UFSP2: variants seen among roughly 807,000 people sequenced by gnomAD.
The protein encoded by UFSP2 is ufm1-specific protease 2.
Under a neutral mutation model 60.2 loss-of-function variants are expected in UFSP2, and 43 were observed. That is an observed-to-expected ratio of 0.71 (90% confidence interval 0.56 to 0.92). The LOEUF is 0.92. Ranked by LOEUF, UFSP2 falls within the 40% of genes least tolerant of loss-of-function variation. UFSP2 has a pLI of 0.00. For missense variants in UFSP2, 520 were observed against 575.0 expected (o/e 0.90, Z 0.98); for synonymous variants, 183 against 195.1 (o/e 0.94, Z 0.52).
rs746564992 is a variant in UFSP2 at position 185,399,643 on chromosome 4, C to G, written c.*749G>C. ...TGGATTTCCAGACTGTGCCAAGTTT[C>G]TTACAACAATTAAATGTATGCAGAC... On this transcript the variant is annotated 3_prime_UTR_variant, in exon 12 of 12. Transcript: ENST00000264689. The G allele has an allele frequency of 3.7e-6, 6 of 1,614,160 alleles. No homozygotes were observed. In the Middle Eastern group the frequency reaches 8.2e-4, roughly 222 times the overall value.
chr4:185,405,303 C>G (rs1043985042), intron 10 of UFSP2, among the ~76,000 whole-genome samples: 10 of 152,114 alleles, frequency 6.6e-5, no homozygotes, highest in African/African-American at 2.4e-4. Flanking sequence ...CAGCTTCTAC[C>G]TCCATTTCTT....
intron 2 of UFSP2, among the ~76,000 whole-genome samples, chr4:185,419,030 GA>G (rs1206540355): frequency 2.0e-5 from 3 of 152,194 alleles, no homozygotes; most frequent in African/African-American, 7.2e-5. Context: ...ACTAATTCTA[GA>G]ACATTTTCAT....
chr4:185,403,140 A>G (rs950680546), intron 11 of UFSP2, among the ~76,000 whole-genome samples: 1 of 152,244 alleles, frequency 6.6e-6, no homozygotes, highest in African/African-American at 2.4e-5. Context: ...GGTTAATTCT[A>G]AAATTTTAAA....
rs555434274 is a variant in UFSP2 at position 185,404,400 on chromosome 4, A to G, written c.1199-782T>C. Among the ~76,000 whole-genome samples, 151 of 147,640 alleles carry G rather than the reference A, an allele frequency of 1.0e-3. 1 individual carries two copies. Among genetic ancestry groups the G allele is most frequent in the African/African-American group, 3.7e-3 (149 of 39,954 alleles). On this transcript the variant is annotated intron_variant, in intron 10 of 11. Transcript: ENST00000264689. ...AACCTCTGCCTTCCAGGTTCAAGCA[A>G]TTCTCCTGCCTCAGCCTCCTGAGTA...
intron 11 of UFSP2, among the ~76,000 whole-genome samples, chr4:185,402,056 C>T (rs2095513881): frequency 6.6e-6 from 1 of 152,112 alleles, no homozygotes; most frequent in South Asian, 2.1e-4. Context: ...ACTGTTTCTA[C>T]AAGGCAGGGG....
chr4:185,415,065 A>C (rs1561116381), intron 6 of UFSP2, 90 bp downstream of exon 6: 1 of 1,116,870 alleles, frequency 9.0e-7, no homozygotes, highest in South Asian at 1.6e-5. Context: ...AAATCACAAA[A>C]TACCTTCCAT....
rs772560621 is a variant in UFSP2 at position 185,399,778 on chromosome 4, G to GTAAC, written c.*610_*613dup. 1 of 1,613,916 alleles carries GTAAC rather than the reference G, an allele frequency of 6.2e-7. No individual in the cohort carries two copies. The highest frequency in any genetic ancestry group is 1.7e-5 in the Admixed American group (1 of 60,022). ...CAGTGGGAAAAGGAAGTGCTGGTAAGTAACTCAGAGCTGCTGCTTTTTTCC... is the reference window on the plus strand; with the variant it reads ...CAGTGGGAAAAGGAAGTGCTGGTAAGTAACTAACTCAGAGCTGCTGCTTTTTTCC... On this transcript the variant is annotated 3_prime_UTR_variant, in exon 12 of 12. Transcript: ENST00000264689.
intron 11 of UFSP2, 92 bp from the exon 12 acceptor site, chr4:185,400,570 T>G (rs1038816978): frequency 2.3e-6 from 2 of 869,780 alleles, no homozygotes; most frequent in African/African-American, 1.7e-5. Flanking sequence ...AGCAGGACCT[T>G]GGAATAAGAC....
At chr4:185,419,577 T>C (rs2095545838) in intron 2 of UFSP2, among the ~76,000 whole-genome samples, 1 of 152,234 alleles carries the variant, frequency 6.6e-6, no homozygotes, top group East Asian at 1.9e-4. Flanking sequence ...CTTTGCAAAA[T>C]GAAAAGAATT....
Position 185,405,785 on chromosome 4 carries a change from A to G in UFSP2, c.1193T>C (p.Met398Thr). 3 of 1,614,066 alleles carry G rather than the reference A, an allele frequency of 1.9e-6. No individual in the cohort carries two copies. Among genetic ancestry groups the G allele is most frequent in the African/African-American group, 2.7e-5 (2 of 75,062 alleles). Residue 398 changes from methionine to threonine, a missense_variant, in exon 10 of 12, where the codon ATG becomes ACG. By Grantham distance (81) the Met-to-Thr change is moderately conservative. Coordinates refer to ENST00000264689, the MANE Select transcript of UFSP2 (RefSeq NM_018359.5). Reference sequence around the variant, plus strand: ...CAGTGTCTGAAACAGCTTACCGATCATAACTGGAGTTCCTTCACTTTGGAA... The same window carrying G: ...CAGTGTCTGAAACAGCTTACCGATCGTAACTGGAGTTCCTTCACTTTGGAA... The part of the protein sequence containing the change: ...NHFQSEGTPV[M>T]IGGGVLAHTI...
chr4:185,423,302 A>C (rs908650981), intron 1 of UFSP2, among the ~76,000 whole-genome samples: 1 of 152,276 alleles, frequency 6.6e-6, no homozygotes, highest in African/African-American at 2.4e-5. Context: ...ACAGTAAAGA[A>C]CTAGTTTAAG....
chr4:185,417,960 C>G (rs1011039783), intron 4 of UFSP2, among the ~76,000 whole-genome samples: 2 of 151,794 alleles, frequency 1.3e-5, no homozygotes, highest in Non-Finnish European at 2.9e-5. Flanking sequence ...AGGAGAATCA[C>G]TTGAACCCGG....
At chr4:185,425,799 C>A in intron 1 of UFSP2, 67 bp downstream of exon 1, 1 of 1,574,022 alleles carries the variant, frequency 6.4e-7, no homozygotes, top group South Asian at 1.2e-5. Context: ...CGCTGTGAAG[C>A]CCGCTCGTGG....
chr4:185,399,873 GTAT>G lies in UFSP2; in HGVS notation c.*516_*518del. ...AATACTGACACTCGTATTTCTAGTA[GTAT>G]TGTTTCATTCTCATTAACATTTTAG... On this transcript the variant is annotated 3_prime_UTR_variant, in exon 12 of 12. Coordinates refer to ENST00000264689, the MANE Select transcript of UFSP2 (RefSeq NM_018359.5). 17 of 1,553,488 alleles carry G rather than the reference GTAT, an allele frequency of 1.1e-5. No individual in the cohort carries two copies. Among genetic ancestry groups the G allele is most frequent in the Non-Finnish European group, 1.4e-5 (16 of 1,149,828 alleles).
rs1034720224 is a variant in UFSP2, at chr4:185,402,106, A to AT, written c.1323+1387dup. On this transcript the variant is annotated intron_variant, in intron 11 of 11. Coordinates refer to ENST00000264689, the MANE Select transcript of UFSP2 (RefSeq NM_018359.5). ...GCCTCGTAGAAGCACCTGAGATACC[A>AT]TTTTTTTTTTCTCGAGAGTCCTTTT... 3.8e-3 allele frequency among the ~76,000 whole-genome samples: 554 copies of AT among 146,894 alleles called. 2 individuals carry two copies. The highest frequency in any genetic ancestry group is 6.9e-3 in the Admixed American group (101 of 14,690).
chr4:185,405,843 T>C lies in UFSP2; in HGVS notation c.1135A>G (p.Ile379Val), dbSNP rs756712681. ...GCCAGTTCCCGTCCTTGAGAGGCAATTTCTGAACCTTGGCTAGAAAGAAAC... is the reference window on the plus strand; with the variant it reads ...GCCAGTTCCCGTCCTTGAGAGGCAACTTCTGAACCTTGGCTAGAAAGAAAC... The part of the protein sequence containing the change: ...KILFVSQGSE[I>V]ASQGRELANH... The change falls in exon 10 of 12, where the codon ATT becomes GTT. Residue 379 changes from isoleucine (I) to valine (V), a missense_variant. Transcript: ENST00000264689. 1.9e-6 allele frequency: 3 copies of C among 1,614,004 alleles called. 1 individual carries two copies. In the Admixed American group the frequency reaches 5.0e-5, roughly 27 times the overall value.
At chr4:185,405,002 CTTTT>C (rs70962563) in intron 10 of UFSP2, among the ~76,000 whole-genome samples, 1 of 138,200 alleles carries the variant, frequency 7.2e-6, no homozygotes, top group South Asian at 2.3e-4. Context: ...ACCTCCATTT[CTTTT>C]TTTTTTTTTT....
At chr4:185,408,178 G>C in intron 8 of UFSP2, 93 bp downstream of exon 8, 1 of 1,539,876 alleles carries the variant, frequency 6.5e-7, no homozygotes. Context: ...ACAGAAATAA[G>C]TCTGCACCAT....
chr4:185,413,853 T>G lies in UFSP2; in HGVS notation c.704A>C (p.Asn235Thr). ...GAAATAGGGTCTGTCGTGAGGCAGA[T>G]TGAAAAGATCATGTAACTCCTAAAA... ...AYRKELHDLF[N>T]LPHDRPYFKR... The change falls in exon 7 of 12, where the codon AAT (asparagine) becomes ACT (threonine). Residue 235 changes from asparagine to threonine, a missense_variant. Asn to Thr is a moderately conservative substitution (Grantham distance 65). Transcript: ENST00000264689. The G allele has an allele frequency of 6.2e-7, 1 of 1,606,918 alleles. No homozygotes were observed. The highest frequency in any genetic ancestry group is 2.2e-5 in the East Asian group (1 of 44,576).
Sources: gnomAD v4.1 joint callset for allele counts (sites outside exome capture counted in the v4.1 genomes callset) on GRCh38, gnomAD v4.1.1 for gene constraint, MANE v1.5 for transcripts, NCBI Gene and HGNC (gene_info 2026-07-23, HGNC 2026-07-21) for gene names.